PCDHGB1: variants seen among roughly 807,000 people sequenced by gnomAD.
The protein encoded by PCDHGB1 is protocadherin gamma-B1.
A neutral mutation model predicts 56.6 loss-of-function variants in PCDHGB1; 34 were observed. The observed-to-expected ratio is 0.60, with a 90% confidence interval of 0.46 to 0.80. The LOEUF is 0.80. Ranked by LOEUF, PCDHGB1 falls within the 30% of genes least tolerant of loss-of-function variation. PCDHGB1 has a pLI of 0.00. For synonymous variants in PCDHGB1, 561 were observed against 505.9 expected (o/e 1.11, Z -1.46); for missense variants, 1,278 against 1,204.6 (o/e 1.06, Z -0.90).
At position 141,430,860 on chromosome 5, in the gene PCDHGB1, C is replaced by G. The variant is rs773955533; in HGVS notation, c.2410-63947C>G. ...ACCGGATGCACCCAGATACGCTATTCAGTTCCGGAAGAGCTGGAGAAAGGC... is the reference window on the plus strand; with the variant it reads ...ACCGGATGCACCCAGATACGCTATTGAGTTCCGGAAGAGCTGGAGAAAGGC... On this transcript the variant is annotated intron_variant, in intron 1 of 3. Transcript: ENST00000523390. 4 of 1,592,382 alleles carry G rather than the reference C, an allele frequency of 2.5e-6. No individual in the cohort carries two copies. In the South Asian group the frequency reaches 4.6e-5, roughly 18 times the overall value.
Position 141,486,486 on chromosome 5 carries a change from A to G in PCDHGB1, c.2410-8321A>G. The G allele has an allele frequency of 6.2e-7, 1 of 1,614,056 alleles. No individual in the cohort carries two copies. Among genetic ancestry groups the G allele is most frequent in the South Asian group, 1.1e-5 (1 of 91,084 alleles). ...GCTGGGAACCCTCCTCTCAGTACCC[A>G]CAGAACTATTTTCCTCAATATTTCA... On this transcript the variant is annotated intron_variant, in intron 1 of 3. Coordinates refer to ENST00000523390, the MANE Select transcript of PCDHGB1 (RefSeq NM_018922.3). The surrounding 1 kb of genome is among the most constrained non-coding windows in gnomAD (Gnocchi z 5.0).
At chr5:141,413,118 G>C (rs999214227) in intron 1 of PCDHGB1, 1 of 1,517,152 alleles carries the variant, frequency 6.6e-7, no homozygotes, top group Non-Finnish European at 8.9e-7. Flanking sequence ...CAAAGGAACC[G>C]GTTGAAACAC....
intron 1 of PCDHGB1, chr5:141,384,297 C>A (rs753406812): frequency 1.2e-6 from 2 of 1,613,848 alleles, no homozygotes; most frequent in South Asian, 2.2e-5. Context: ...AGAACAACCC[C>A]AGAGGGGCCT....
chr5:141,409,805 C>T lies in PCDHGB1; in HGVS notation c.2409+57136C>T, dbSNP rs751397816. 8 of 1,611,512 alleles carry T rather than the reference C, an allele frequency of 5.0e-6. No individual in the cohort carries two copies. The African/African-American group carries it at 5.3e-5, about 11-fold the overall frequency. ...CGCCTTCGCGCTCACGCTGCAGGCC[C>T]GCGACCACGGCTCGCCCACGCTCAG... is the stretch of plus-strand genomic sequence containing the variant. On this transcript the variant is annotated intron_variant, in intron 1 of 3. Coordinates refer to ENST00000523390, the MANE Select transcript of PCDHGB1 (RefSeq NM_018922.3).
chr5:141,507,616 G>A (rs1288020739), intron 3 of PCDHGB1, among the ~76,000 whole-genome samples: 3 of 152,252 alleles, frequency 2.0e-5, no homozygotes, highest in Non-Finnish European at 4.4e-5. Context: ...GGTATATTTA[G>A]CTGTTGTGGC....
At chr5:141,408,251 C>T (rs761835750) in intron 1 of PCDHGB1, 6 of 1,597,008 alleles carry the variant, frequency 3.8e-6, no homozygotes, top group Middle Eastern at 1.7e-4. Context: ...GCGGCAGGTG[C>T]TATTTCCTTT....
intron 1 of PCDHGB1, chr5:141,408,054 C>G (rs1561710214): frequency 1.5e-6 from 2 of 1,295,924 alleles, no homozygotes; most frequent in East Asian, 2.6e-5. Flanking sequence ...CACAGAGCCT[C>G]CCGGCTGCGC....
intron 1 of PCDHGB1, chr5:141,362,266 A>G (rs1180216273): frequency 1.2e-6 from 2 of 1,613,342 alleles, no homozygotes; most frequent in Non-Finnish European, 1.7e-6. Context: ...GATTCTGGCA[A>G]TCTCCCTGCG....
At position 141,350,436 on chromosome 5, in the gene PCDHGB1, T is replaced by C. The variant is rs762811863; in HGVS notation, c.176T>C (p.Leu59Ser). ...GATCTGGGGCTCAGTGTCCGGGAGT[T>C]GCCAACTCGAAAACTGCGGGTTAGT... ...AKDLGLSVRE[L>S]PTRKLRVSAE... Residue 59 changes from leucine (L) to serine (S), a missense_variant, in exon 1 of 4, where the codon TTG (leucine) becomes TCG (serine). Leu to Ser is a moderately radical substitution (Grantham distance 145, BLOSUM62 -2). Coordinates refer to ENST00000523390, the MANE Select transcript of PCDHGB1 (RefSeq NM_018922.3). 2.3e-5 allele frequency: 37 copies of C among 1,610,426 alleles called. No homozygotes were observed. Among genetic ancestry groups the C allele is most frequent in the Non-Finnish European group, 2.9e-5 (34 of 1,177,016 alleles).
At chr5:141,417,027 GGT>G (rs1491367168) in intron 1 of PCDHGB1, 2 of 134,514 alleles carry the variant, frequency 1.5e-5, no homozygotes, top group Non-Finnish European at 3.1e-5. Flanking sequence ...GAAAAATACA[GGT>G]TTTTTTTTTA....
At chr5:141,376,417 G>T (rs750081761) in intron 1 of PCDHGB1, 2 of 1,614,148 alleles carry the variant, frequency 1.2e-6, no homozygotes, top group South Asian at 1.1e-5. Flanking sequence ...ATGCCGACAC[G>T]CTTATCAACC....
In PCDHGB1 at chr5:141,489,739, G is replaced by A; in HGVS notation, c.2410-5068G>A. On this transcript the variant is annotated intron_variant, in intron 1 of 3. Transcript: ENST00000523390. The surrounding 1 kb of genome is among the most constrained non-coding windows in gnomAD (Gnocchi z 4.5). Reference sequence around the variant, plus strand: ...GGATCCGGATGTGGGCACCAATACTGTGAGCTTTTACACTCTAAGCCCCAA... The same window carrying A: ...GGATCCGGATGTGGGCACCAATACTATGAGCTTTTACACTCTAAGCCCCAA... 3 of 1,614,170 alleles carry A rather than the reference G, an allele frequency of 1.9e-6. No homozygotes were observed. The highest frequency in any genetic ancestry group is 2.2e-5 in the South Asian group (2 of 91,076).
intron 1 of PCDHGB1, chr5:141,400,431 A>G (rs542969819): frequency 3.0e-5 from 48 of 1,614,034 alleles, no homozygotes; most frequent in African/African-American, 1.1e-4. Context: ...GTAGTGAGCA[A>G]TTGAGTTCAG....
Position 141,511,565 on chromosome 5 carries a change from AG to A in PCDHGB1, c.*393del, listed in dbSNP as rs2099883852. 6.8e-6 allele frequency: 2 copies of A among 296,092 alleles called. No homozygotes were observed. Among genetic ancestry groups the A allele is most frequent in the South Asian group, 7.4e-5 (2 of 26,988 alleles). The allele number at this position is 296,092 out of a possible 1,614,324, so 18.3% of individuals were successfully genotyped here. On this transcript the variant is annotated 3_prime_UTR_variant, in exon 4 of 4. Transcript: ENST00000523390. ...CCACTCCAACAGTTCCTCTTTCCCG[AG>A]TAAGGTGGTTGGGGTGTTGAAGTAC...
chr5:141,485,172 C>T lies in PCDHGB1; in HGVS notation c.2410-9635C>T, dbSNP rs377648315. 3.9e-5 allele frequency: 62 copies of T among 1,610,044 alleles called. No individual in the cohort carries two copies. The highest frequency in any genetic ancestry group is 5.1e-5 in the Non-Finnish European group (60 of 1,176,944). On this transcript the variant is annotated intron_variant, in intron 1 of 3. Coordinates refer to ENST00000523390, the MANE Select transcript of PCDHGB1 (RefSeq NM_018922.3). The surrounding 1 kb of genome is among the most constrained non-coding windows in gnomAD (Gnocchi z 5.7). ...CAAGTAGAGAATTAGCGGGCGGCAGCAATGCTCCGCAAGGTGAGAAGCTGG... is the reference window on the plus strand; with the variant it reads ...CAAGTAGAGAATTAGCGGGCGGCAGTAATGCTCCGCAAGGTGAGAAGCTGG...
In PCDHGB1 at chr5:141,407,146, T is replaced by C. The variant is rs142297912; in HGVS notation, c.2409+54477T>C. On this transcript the variant is annotated intron_variant, in intron 1 of 3. Transcript: ENST00000523390. ...TGCTTTATTTTTAAGAAAAAAAAGC[T>C]GAAGTGTCTGGGAATCCTTTATGAC... 2.0e-5 allele frequency among the ~76,000 whole-genome samples: 3 copies of C among 152,354 alleles called. No individual in the cohort carries two copies. The East Asian group carries it at 5.8e-4, about 29-fold the overall frequency.
At chr5:141,502,782 T>C (rs1200280465) in intron 2 of PCDHGB1, among the ~76,000 whole-genome samples, 1 of 152,132 alleles carries the variant, frequency 6.6e-6, no homozygotes, top group African/African-American at 2.4e-5. Context: ...GAAAATTACC[T>C]GGATGATTTC....
chr5:141,351,016 A>C lies in PCDHGB1; in HGVS notation c.756A>C (p.Val252=). Residue 252 remains valine (V), a synonymous_variant, in exon 1 of 4, where the codon GTA becomes GTC. Coordinates refer to ENST00000523390, the MANE Select transcript of PCDHGB1 (RefSeq NM_018922.3). ...ACAGGGTTAGCCTCCAAGAAAACGT[A>C]CCGTGGGGAACCTCCGTGCTGCGGG... ...EVYRVSLQEN[V]PWGTSVLRVM... is the part of the protein sequence containing the mutation. The C allele has an allele frequency of 6.2e-7, 1 of 1,614,078 alleles. No homozygotes were observed. The highest frequency in any genetic ancestry group is 8.5e-7 in the Non-Finnish European group (1 of 1,179,902).
intron 2 of PCDHGB1, among the ~76,000 whole-genome samples, chr5:141,502,401 G>A (rs191747075): frequency 2.0e-5 from 3 of 151,874 alleles, no homozygotes; most frequent in Admixed American, 1.3e-4. Flanking sequence ...AAATGTCCCC[G>A]AACCTGGATT....
Sources: allele counts gnomAD v4.1 joint callset (sites outside exome capture counted in the v4.1 genomes callset), GRCh38; gene constraint gnomAD v4.1.1; non-coding constraint Gnocchi (gnomAD v3.1); transcripts MANE v1.5; gene names NCBI Gene and HGNC (gene_info 2026-07-23, HGNC 2026-07-21).